The following KPNA6 variants were observed in gnomAD, a reference collection of about 807,000 sequenced individuals.
KPNA6 encodes the protein importin subunit alpha-7.
A neutral mutation model predicts 72.0 loss-of-function variants in KPNA6; 9 were observed. That is an observed-to-expected ratio of 0.13 (90% CI 0.08 to 0.22). The LOEUF (loss-of-function observed/expected upper bound fraction) is 0.22. Among genes scored for constraint, KPNA6 ranks in the 10% least tolerant of loss-of-function variants. The pLI is 1.00. For missense variants in KPNA6, 374 were observed against 655.7 expected, an observed-to-expected ratio of 0.57 and a Z score of 4.69; for synonymous variants, 219 against 242.1, an observed-to-expected ratio of 0.90 and a Z score of 0.89.
intron 1 of KPNA6, among the ~76,000 whole-genome samples, chr1:32,135,330 G>T (rs982298011): frequency 1.3e-5 from 2 of 151,962 alleles, no homozygotes; most frequent in African/African-American, 2.4e-5. Context: ...GCCTCCCAAA[G>T]TTCTGGGATT....
At chr1:32,145,761 C>T (rs1437570980) in intron 1 of KPNA6, among the ~76,000 whole-genome samples, 1 of 152,206 alleles carries the variant, frequency 6.6e-6, no homozygotes, top group Non-Finnish European at 1.5e-5. Flanking sequence ...TTTCTGGACT[C>T]TCAATTCTAT....
At chr1:32,160,879 G>A (rs963306369) in intron 7 of KPNA6, among the ~76,000 whole-genome samples, 176 bp downstream of exon 7, 7 of 152,142 alleles carry the variant, frequency 4.6e-5, no homozygotes, top group African/African-American at 1.7e-4. Flanking sequence ...GGTTGTGGCC[G>A]GGCATGGTGG....
At chr1:32,143,121 G>A in intron 1 of KPNA6, 1 of 655,856 alleles carries the variant, frequency 1.5e-6, no homozygotes. Context: ...GGAGTGCAGA[G>A]GTGCAGACAC....
chr1:32,163,739 A>G (rs1642283306), intron 10 of KPNA6, among the ~76,000 whole-genome samples: 2 of 152,200 alleles, frequency 1.3e-5, no homozygotes, highest in South Asian at 4.1e-4. Flanking sequence ...TGGTGAAGGC[A>G]TAGTAAACAA....
At chr1:32,119,748 T>C in intron 1 of KPNA6, among the ~76,000 whole-genome samples, 1 of 151,088 alleles carries the variant, frequency 6.6e-6, no homozygotes, top group East Asian at 1.9e-4. Context: ...CTGGAATTTT[T>C]TTTTTTTTTT....
intron 1 of KPNA6, among the ~76,000 whole-genome samples, chr1:32,123,293 A>G (rs544336035): frequency 6.6e-6 from 1 of 152,224 alleles, no homozygotes; most frequent in Admixed American, 6.5e-5. Flanking sequence ...TCACCTTCCT[A>G]AGGAAACTTT....
intron 1 of KPNA6, among the ~76,000 whole-genome samples, chr1:32,109,553 A>G (rs1641207461): frequency 6.6e-6 from 1 of 150,820 alleles, no homozygotes; most frequent in South Asian, 2.1e-4. Context: ...AAAGCTTTTA[A>G]CCCTAGGCAA....
At chr1:32,149,416 G>A (rs920769510) in intron 1 of KPNA6, among the ~76,000 whole-genome samples, 7 of 152,122 alleles carry the variant, frequency 4.6e-5, no homozygotes, top group African/African-American at 1.7e-4. Context: ...AATAGAAACA[G>A]GGTCTCCCTA....
At chr1:32,120,764 C>T (rs778527553) in intron 1 of KPNA6, among the ~76,000 whole-genome samples, 6 of 151,790 alleles carry the variant, frequency 4.0e-5, no homozygotes, top group Non-Finnish European at 7.4e-5. Flanking sequence ...GACGGGGTTT[C>T]GCCATGTTGG....
At position 32,176,122 on chromosome 1, in the gene KPNA6, A is replaced by C. The variant is rs1642524015; in HGVS notation, c.*5228A>C. 6.6e-6 allele frequency: 1 copy of C among 151,870 alleles called. No individual in the cohort carries two copies. Among genetic ancestry groups the C allele is most frequent in the Non-Finnish European group, 1.5e-5 (1 of 67,972 alleles). 9.4% of individuals were successfully genotyped at this position (151,870 alleles called of 1,614,324 possible). On this transcript the variant is annotated 3_prime_UTR_variant, in exon 14 of 14. Coordinates refer to ENST00000373625, the MANE Select transcript of KPNA6 (RefSeq NM_012316.5). ...AAAAAAAAAAGTCCACATCTTCATG[A>C]ACCCTCAGACTCTGGAGTTGGGTGT...
At chr1:32,152,284 G>A (rs1642045359) in intron 1 of KPNA6, among the ~76,000 whole-genome samples, 2 of 152,130 alleles carry the variant, frequency 1.3e-5, no homozygotes, top group South Asian at 2.1e-4. Context: ...AGCTGTGATC[G>A]TGCACTGCAC....
intron 1 of KPNA6, among the ~76,000 whole-genome samples, chr1:32,114,190 A>G (rs1241613455): frequency 2.6e-5 from 4 of 152,064 alleles, no homozygotes; most frequent in South Asian, 2.1e-4. Context: ...CTGTAACCCC[A>G]GCAATTTGGG....
At chr1:32,155,462 C>T (rs909760753) in intron 2 of KPNA6, among the ~76,000 whole-genome samples, 46 of 151,348 alleles carry the variant, frequency 3.0e-4, no homozygotes, top group Admixed American at 2.8e-3. Context: ...GCTAGGATTA[C>T]GGGCATGTAC....
chr1:32,119,032 A>ATATATATAT (rs1167325052), intron 1 of KPNA6, among the ~76,000 whole-genome samples: 1 of 40,274 alleles, frequency 2.5e-5, no homozygotes, highest in Non-Finnish European at 4.1e-5. Context: ...ATATATATAT[A>ATATATATAT]TTTTTTTTTT....
chr1:32,159,667 G>A, intron 6 of KPNA6, 136 bp downstream of exon 6: 1 of 944,456 alleles, frequency 1.1e-6, no homozygotes, highest in Non-Finnish European at 1.6e-6. Context: ...AAGTACAGAT[G>A]GCCCCTGGGA....
Position 32,164,819 on chromosome 1 carries a change from CAT to C in KPNA6, c.991-1285_991-1284del, listed in dbSNP as rs1391177899. Among the ~76,000 whole-genome samples the C allele has an allele frequency of 3.3e-5, 5 of 151,710 alleles. No individual in the cohort carries two copies. In the East Asian group the frequency reaches 5.8e-4, roughly 18 times the overall value. On this transcript the variant is annotated intron_variant, in intron 10 of 13. Transcript: ENST00000373625. Reference sequence around the variant, plus strand: ...CTGGATATTAATCTCTTATCAGACACATGTTTTGCAAATATTTTCTCTTGTTC... The same window carrying C: ...CTGGATATTAATCTCTTATCAGACACGTTTTGCAAATATTTTCTCTTGTTC...
At chr1:32,145,480 A>G (rs1465139117) in intron 1 of KPNA6, among the ~76,000 whole-genome samples, 1 of 151,480 alleles carries the variant, frequency 6.6e-6, no homozygotes, top group Non-Finnish European at 1.5e-5. Flanking sequence ...ACCCGCCACC[A>G]TGCCTGGCTA....
intron 1 of KPNA6, among the ~76,000 whole-genome samples, chr1:32,139,529 T>C (rs988845871): frequency 6.6e-5 from 10 of 152,164 alleles, no homozygotes; most frequent in Middle Eastern, 3.2e-3. Flanking sequence ...TTCTAGCCCC[T>C]AGACTTAACT....
At chr1:32,153,524 T>C (rs927326494) in intron 1 of KPNA6, among the ~76,000 whole-genome samples, 8 of 142,120 alleles carry the variant, frequency 5.6e-5, no homozygotes, top group Non-Finnish European at 1.0e-4. Context: ...TGAGTCAAGA[T>C]GGTGCCATTG....
Sources: gnomAD v4.1 joint callset for allele counts (sites outside exome capture counted in the v4.1 genomes callset) on GRCh38, gnomAD v4.1.1 for gene constraint, MANE v1.5 for transcripts, NCBI Gene and HGNC (gene_info 2026-07-23, HGNC 2026-07-21) for gene names.